Variants in PCLO observed in about 807,000 individuals in gnomAD.
PCLO encodes the protein protein piccolo.
Under a neutral mutation model 427.5 loss-of-function variants are expected in PCLO, and 82 were observed. The observed-to-expected ratio is 0.19, with a 90% confidence interval of 0.16 to 0.23. The LOEUF is 0.23. Ranked by LOEUF, PCLO falls within the 10% of genes least tolerant of loss-of-function variation. The probability of loss-of-function intolerance (pLI) is 1.00; values close to 1 mark genes in which losing one functional copy is unlikely to be tolerated. For missense variants in PCLO, 6,239 were observed against 6,115.9 expected, an observed-to-expected ratio of 1.02 and a Z score of -0.67; for synonymous variants, 2,357 against 2,155.4, an observed-to-expected ratio of 1.09 and a Z score of -2.59.
rs150900322 is a variant in PCLO, at chr7:82,943,675, T to C, written c.11112+5801A>G. On this transcript the variant is annotated intron_variant, in intron 6 of 24. Coordinates refer to ENST00000333891, the MANE Select transcript of PCLO (RefSeq NM_033026.6). ...ATCTGGGGTAGGATGTAAATCAGTC[T>C]CATTGTGCAGAAGAAAGAGAAAGGG... Among the ~76,000 whole-genome samples, 973 of 152,134 alleles carry C rather than the reference T, an allele frequency of 6.4e-3. 15 individuals are homozygous for C. The highest frequency in any genetic ancestry group is 0.022 in the African/African-American group (911 of 41,510).
At chr7:82,794,813 T>C (rs944528460) in intron 22 of PCLO, among the ~76,000 whole-genome samples, 1 of 152,074 alleles carries the variant, frequency 6.6e-6, no homozygotes, top group African/African-American at 2.4e-5. Context: ...TTCTTGTTTG[T>C]CCTTTTTTGA....
intron 3 of PCLO, among the ~76,000 whole-genome samples, chr7:83,031,014 G>A (rs940457518): frequency 6.6e-6 from 1 of 152,124 alleles, no homozygotes; most frequent in Admixed American, 6.6e-5. Context: ...GGCAGGCACT[G>A]CACTGCAAGA....
chr7:82,914,784 A>G lies in PCLO; in HGVS notation c.13202T>C (p.Val4401Ala). ...TGATTCTTCCCTCATGTGTTGCTGAACTTCAGGCAATGAGTGGCTTGATCC... is the reference window on the plus strand; with the variant it reads ...TGATTCTTCCCTCATGTGTTGCTGAGCTTCAGGCAATGAGTGGCTTGATCC... ...QFGSSHSLPE[V>A]QQHMREESRT... Residue 4401 changes from valine (V) to alanine (A), a missense_variant, in exon 7 of 25, where the codon GTT (valine) becomes GCT (alanine). Physicochemically the swap from Val to Ala is moderately conservative, Grantham distance 64. Coordinates refer to ENST00000333891, the MANE Select transcript of PCLO (RefSeq NM_033026.6). The G allele has an allele frequency of 1.9e-6, 3 of 1,613,412 alleles. No individual in the cohort carries two copies. Among genetic ancestry groups the G allele is most frequent in the South Asian group, 1.1e-5 (1 of 91,070 alleles).
intron 15 of PCLO, among the ~76,000 whole-genome samples, chr7:82,836,606 T>C (rs998596385): frequency 3.7e-4 from 56 of 152,148 alleles, no homozygotes; most frequent in African/African-American, 1.4e-3. Flanking sequence ...TAAAATAAAA[T>C]TATTGAGAAG....
In PCLO at chr7:82,793,138, C is replaced by G. The variant is rs1489934439; in HGVS notation, c.15007+8380G>C. On this transcript the variant is annotated intron_variant, in intron 22 of 24. Transcript: ENST00000333891. ...TCATGAATTTTGTCAATGCTCTTCTCTCCTGCATGAGCACCCCATTCACTG... is the reference window on the plus strand; with the variant it reads ...TCATGAATTTTGTCAATGCTCTTCTGTCCTGCATGAGCACCCCATTCACTG... Among the ~76,000 whole-genome samples, 3 of 152,072 alleles carry G rather than the reference C, an allele frequency of 2.0e-5. No homozygotes were observed. The East Asian group carries it at 5.8e-4, about 29-fold the overall frequency.
In PCLO at chr7:83,154,749, T is replaced by C. The variant is rs571353848; in HGVS notation, c.1892A>G (p.Glu631Gly). ...GACTCAGTGAATAAATGCACTTACC[T>C]CCGTTAAATGAGGATTGGGATTAAA... ...CGFNPNPHLT[E>G]VKEWLCLNCQ... The change falls in exon 2 of 25, where the codon GAG becomes GGG. Residue 631 changes from glutamate (E) to glycine (G), a missense_variant and splice_region_variant. Physicochemically the swap from Glu to Gly is moderately conservative, Grantham distance 98 (BLOSUM62 -2). Coordinates refer to ENST00000333891, the MANE Select transcript of PCLO (RefSeq NM_033026.6). 1.2e-6 allele frequency: 2 copies of C among 1,610,604 alleles called. No homozygotes were observed. Among genetic ancestry groups the C allele is most frequent in the Non-Finnish European group, 8.5e-7 (1 of 1,176,892 alleles).
chr7:82,922,798 T>C (rs1794628443), intron 6 of PCLO, among the ~76,000 whole-genome samples: 1 of 152,026 alleles, frequency 6.6e-6, no homozygotes, highest in African/African-American at 2.4e-5. Context: ...TCAGTGTCAA[T>C]ATCAAAGATA....
intron 3 of PCLO, among the ~76,000 whole-genome samples, chr7:83,047,606 A>T (rs1789135381): frequency 6.6e-6 from 1 of 152,030 alleles, no homozygotes; most frequent in African/African-American, 2.4e-5. Context: ...TATCTTTACA[A>T]TCTTGACATT....
At chr7:83,103,081 T>C (rs1790774459) in intron 3 of PCLO, among the ~76,000 whole-genome samples, 3 of 152,008 alleles carry the variant, frequency 2.0e-5, no homozygotes, top group African/African-American at 7.2e-5. Context: ...GTAAATATCA[T>C]AGAGAAGGCT....
intron 3 of PCLO, among the ~76,000 whole-genome samples, chr7:82,978,154 T>C (rs540361403): frequency 1.5e-3 from 224 of 151,586 alleles, no homozygotes; most frequent in African/African-American, 5.3e-3. Context: ...TTTTTTAATA[T>C]TAGAGAGACC....
At chr7:83,111,134 T>C (rs531034646) in intron 3 of PCLO, among the ~76,000 whole-genome samples, 12 of 152,232 alleles carry the variant, frequency 7.9e-5, no homozygotes, top group Non-Finnish European at 1.5e-4. Flanking sequence ...TATATACTTA[T>C]GTATGCATGT....
rs1790271692 is a variant in PCLO at position 82,754,208 on chromosome 7, C to T, written c.*4367G>A. 6.6e-6 allele frequency: 1 copy of T among 151,870 alleles called. No homozygotes were observed. Among genetic ancestry groups the T allele is most frequent in the Non-Finnish European group, 1.5e-5 (1 of 67,962 alleles). 9.4% of individuals were successfully genotyped at this position (151,870 alleles called of 1,614,324 possible). ...GTATTTTCAGGTCAATTTATACAGT[C>T]CTTAGTCCAAGAATTTGCATTTGTC... is the stretch of plus-strand genomic sequence containing the variant. On this transcript the variant is annotated 3_prime_UTR_variant, in exon 25 of 25. Transcript: ENST00000333891.
chr7:82,869,072 T>C lies in PCLO; in HGVS notation c.13654+10265A>G, dbSNP rs183736876. Among the ~76,000 whole-genome samples the C allele has an allele frequency of 2.0e-5, 3 of 152,170 alleles. No homozygotes were observed. In the East Asian group the frequency reaches 5.8e-4, roughly 29 times the overall value. On this transcript the variant is annotated intron_variant, in intron 10 of 24. Transcript: ENST00000333891. The stretch of plus-strand genomic sequence containing the variant: ...ACAGACAACTAGGATGAAAATTAAT[T>C]TGGAGAACTAGTTCAAAAAATCCAG...
intron 9 of PCLO, among the ~76,000 whole-genome samples, chr7:82,899,197 T>C (rs1403084093): frequency 1.3e-5 from 2 of 151,418 alleles, no homozygotes; most frequent in Non-Finnish European, 3.0e-5. Context: ...AATTAAAACA[T>C]TAACATATAA....
chr7:82,852,597 G>C (rs938520702), intron 10 of PCLO, among the ~76,000 whole-genome samples: 2 of 152,080 alleles, frequency 1.3e-5, no homozygotes, highest in Admixed American at 1.3e-4. Context: ...CTACTTTTGA[G>C]GTTTTGGGAT....
intron 3 of PCLO, among the ~76,000 whole-genome samples, chr7:83,044,303 G>A (rs1447098490): frequency 6.6e-6 from 1 of 152,092 alleles, no homozygotes; most frequent in Non-Finnish European, 1.5e-5. Flanking sequence ...GATTTGGGTG[G>A]AGACACAGAG....
intron 3 of PCLO, among the ~76,000 whole-genome samples, chr7:83,043,789 C>G (rs1029390341): frequency 1.3e-5 from 2 of 151,946 alleles, no homozygotes; most frequent in African/African-American, 4.8e-5. Flanking sequence ...GGGATGCTCA[C>G]TGTATACAAA....
intron 2 of PCLO, among the ~76,000 whole-genome samples, chr7:83,139,704 T>G (rs1791817094): frequency 6.6e-6 from 1 of 152,184 alleles, no homozygotes; most frequent in Non-Finnish European, 1.5e-5. Flanking sequence ...GTCCTTTAAA[T>G]GACCACATTT....
At chr7:83,095,183 T>A (rs1790501118) in intron 3 of PCLO, among the ~76,000 whole-genome samples, 1 of 152,072 alleles carries the variant, frequency 6.6e-6, no homozygotes, top group East Asian at 1.9e-4. Flanking sequence ...TCATGTGAAT[T>A]ACGGGAGTTT....
Sources: allele counts gnomAD v4.1 joint callset (sites outside exome capture counted in the v4.1 genomes callset), GRCh38; gene constraint gnomAD v4.1.1; transcripts MANE v1.5; gene names NCBI Gene and HGNC (gene_info 2026-07-23, HGNC 2026-07-21).